MYL4: variants seen among roughly 807,000 people sequenced by gnomAD.
The protein encoded by MYL4 is myosin light chain 4, also known as atrial myosin light chain 1.
Under a neutral mutation model 21.6 loss-of-function variants are expected in MYL4, and 16 were observed. The observed-to-expected ratio is 0.74, with a 90% confidence interval of 0.50 to 1.12. The LOEUF is 1.12. Ranked by LOEUF, MYL4 falls within the 50% of genes most tolerant of loss-of-function variation. MYL4 has a pLI of 0.00. For synonymous variants in MYL4, 82 were observed against 95.7 expected (o/e 0.86, Z 0.83); for missense variants, 249 against 252.9 (o/e 0.98, Z 0.11).
In MYL4 at chr17:47,222,371, C is replaced by G; in HGVS notation, c.488-9C>G. 4 of 1,614,064 alleles carry G rather than the reference C, an allele frequency of 2.5e-6. No individual in the cohort carries two copies. The highest frequency in any genetic ancestry group is 3.4e-6 in the Non-Finnish European group (4 of 1,179,970). ...ATTAAGAGCGCACCACCTCCCAAACCCACCGCAGGAGAGAAGATGACTGAG... is the reference window on the plus strand; with the variant it reads ...ATTAAGAGCGCACCACCTCCCAAACGCACCGCAGGAGAGAAGATGACTGAG... On this transcript the variant is annotated splice_polypyrimidine_tract_variant and intron_variant, in intron 4 of 6. Coordinates refer to ENST00000393450, the MANE Select transcript of MYL4 (RefSeq NM_002476.2).
intron 2 of MYL4, among the ~76,000 whole-genome samples, chr17:47,214,202 G>A (rs1353927438): frequency 6.6e-6 from 1 of 152,122 alleles, no homozygotes; most frequent in African/African-American, 2.4e-5. Flanking sequence ...AGACTGCTTG[G>A]AGCATAGTAG....
At chr17:47,221,427 C>T (rs1189128396) in intron 3 of MYL4, among the ~76,000 whole-genome samples, 1 of 152,166 alleles carries the variant, frequency 6.6e-6, no homozygotes, top group Non-Finnish European at 1.5e-5. Context: ...TGGAGGGCTC[C>T]TTTTTCCTTC....
downstream of MYL4, among the ~76,000 whole-genome samples, chr17:47,225,555 T>C (rs553805793): frequency 2.0e-5 from 3 of 152,326 alleles, no homozygotes; most frequent in African/African-American, 4.8e-5. Flanking sequence ...TAGTCAGACT[T>C]CCTAAGAGTC....
intron 3 of MYL4, among the ~76,000 whole-genome samples, chr17:47,220,500 T>C (rs1439758337): frequency 3.9e-5 from 6 of 152,366 alleles, no homozygotes; most frequent in Non-Finnish European, 5.9e-5. Flanking sequence ...GTACTGACGT[T>C]TGCAAATTGT....
chr17:47,199,319 C>A (rs1211804647), upstream of MYL4, among the ~76,000 whole-genome samples: 4 of 150,792 alleles, frequency 2.7e-5, no homozygotes, highest in Admixed American at 6.6e-5. Flanking sequence ...AAAAAAAACC[C>A]CAGAAAAACA....
upstream of MYL4, among the ~76,000 whole-genome samples, chr17:47,196,256 G>A (rs2064688696): frequency 6.6e-6 from 1 of 152,198 alleles, no homozygotes; most frequent in Non-Finnish European, 1.5e-5. Context: ...AGGGTCATAG[G>A]AGGACACAGG....
rs1316011140 is a variant in MYL4 at position 47,220,026 on chromosome 17, C to G, written c.286C>G (p.Arg96Gly). The change falls in exon 3 of 7, where the codon CGT becomes GGT. Residue 96 changes from arginine to glycine, a missense_variant. Transcript: ENST00000393450. ...GAACCCTACCAATGCCGAGGTGCTG[C>G]GTGTGCTGGGCAAGCCCAAGCCTGA... The part of the protein sequence containing the change: ...GQNPTNAEVL[R>G]VLGKPKPEEM... The G allele has an allele frequency of 6.2e-7, 1 of 1,613,878 alleles. No individual in the cohort carries two copies. The highest frequency in any genetic ancestry group is 1.1e-5 in the South Asian group (1 of 91,030).
chr17:47,219,778 A>G (rs1817566650), intron 2 of MYL4, 126 bp from the exon 3 acceptor site: 3 of 1,226,804 alleles, frequency 2.4e-6, no homozygotes, highest in South Asian at 2.7e-5. Flanking sequence ...ATAATGGACA[A>G]AGCGAAATAT....
chr17:47,195,762 C>T (rs1352177570), upstream of MYL4, among the ~76,000 whole-genome samples: 1 of 152,222 alleles, frequency 6.6e-6, no homozygotes, highest in Admixed American at 6.5e-5. Context: ...CAGGCCTTTT[C>T]TGCTCCTCTG....
At chr17:47,193,254 T>C in the MYL4 span, among the ~76,000 whole-genome samples, 2 of 148,586 alleles carry the variant, frequency 1.3e-5, no homozygotes, top group East Asian at 4.2e-4. Flanking sequence ...CTAGCTTTCC[T>C]CCTACTGCTC....
chr17:47,215,538 A>T (rs1223619950), intron 2 of MYL4, among the ~76,000 whole-genome samples: 1 of 152,222 alleles, frequency 6.6e-6, no homozygotes, highest in African/African-American at 2.4e-5. Context: ...GGTGGAAAGA[A>T]CATAATTTGG....
chr17:47,220,016 C>T lies in MYL4; in HGVS notation c.276C>T (p.Ala92=), dbSNP rs1343489917. ...LRALGQNPTN[A]EVLRVLGKPK... is the part of the protein sequence containing the mutation. Reference sequence around the variant, plus strand: ...CCCTGGGCCAGAACCCTACCAATGCCGAGGTGCTGCGTGTGCTGGGCAAGC... The same window carrying T: ...CCCTGGGCCAGAACCCTACCAATGCTGAGGTGCTGCGTGTGCTGGGCAAGC... Residue 92 remains alanine (A), a synonymous_variant, in exon 3 of 7, where the codon GCC becomes GCT. Transcript: ENST00000393450. 8 of 1,613,982 alleles carry T rather than the reference C, an allele frequency of 5.0e-6. No homozygotes were observed. The highest frequency in any genetic ancestry group is 2.2e-5 in the South Asian group (2 of 91,066).
intron 4 of MYL4, 55 bp from the exon 5 acceptor site, chr17:47,222,325 G>C: frequency 6.4e-7 from 1 of 1,553,600 alleles, no homozygotes; most frequent in South Asian, 1.1e-5. Context: ...GGTATTGCCA[G>C]TTCCTCCTTT....
chr17:47,227,192 C>A (rs2064888793), downstream of MYL4, among the ~76,000 whole-genome samples: 1 of 152,188 alleles, frequency 6.6e-6, no homozygotes, highest in Non-Finnish European at 1.5e-5. Flanking sequence ...TCCTTGGGAA[C>A]CAGTGCAACT....
intron 3 of MYL4, among the ~76,000 whole-genome samples, chr17:47,220,950 T>G (rs1007060654): frequency 6.6e-6 from 1 of 152,080 alleles, no homozygotes; most frequent in Non-Finnish European, 1.5e-5. Flanking sequence ...CCCCTTCTCC[T>G]CTGGCTGAAG....
the MYL4 span, among the ~76,000 whole-genome samples, chr17:47,190,211 G>A: frequency 6.6e-6 from 1 of 152,234 alleles, no homozygotes; most frequent in East Asian, 1.9e-4. Flanking sequence ...CAGAGGCCTG[G>A]TTTTGAATTT....
At position 47,216,695 on chromosome 17, in the gene MYL4, CTTTCTTTTTTTTTTT is replaced by C. The variant is rs949379247; in HGVS notation, c.163+2871_163+2885del. On this transcript the variant is annotated intron_variant, in intron 2 of 6. Transcript: ENST00000393450. Reference sequence around the variant, plus strand: ...ATCATGACATCTTTTTTTTCTTTTTCTTTCTTTTTTTTTTTTGAGACAGAGTTTTGCGCTTGTTGC... The same window carrying C: ...ATCATGACATCTTTTTTTTCTTTTTCTGAGACAGAGTTTTGCGCTTGTTGC... Among the ~76,000 whole-genome samples the C allele has an allele frequency of 2.3e-3, 324 of 141,906 alleles. 4 individuals are homozygous for C. Among genetic ancestry groups the C allele is most frequent in the African/African-American group, 7.9e-3 (303 of 38,228 alleles). 93.1% of individuals were successfully genotyped at this position (141,906 alleles called of 152,430 possible). A position where few individuals can be genotyped will look rare whatever the true frequency, so the allele number is the denominator to read the frequency against.
upstream of MYL4, among the ~76,000 whole-genome samples, chr17:47,197,092 GTTT>G (rs71365051): frequency 8.8e-6 from 1 of 113,354 alleles, no homozygotes; most frequent in African/African-American, 3.7e-5. Flanking sequence ...TCCTTAAAGG[GTTT>G]TTTTTTTTTT....
upstream of MYL4, among the ~76,000 whole-genome samples, chr17:47,198,726 C>T (rs1277721291): frequency 6.6e-6 from 1 of 152,044 alleles, no homozygotes; most frequent in Non-Finnish European, 1.5e-5. Flanking sequence ...GTAGCTCACG[C>T]CTGTGATCCC....
Sources: gnomAD v4.1 joint callset for allele counts (sites outside exome capture counted in the v4.1 genomes callset) on GRCh38, gnomAD v4.1.1 for gene constraint, MANE v1.5 for transcripts, NCBI Gene and HGNC (gene_info 2026-07-23, HGNC 2026-07-21) for gene names.